MED12L: variants seen among roughly 807,000 people sequenced by gnomAD.
MED12L encodes the protein mediator of RNA polymerase II transcription subunit 12-like protein.
A neutral mutation model predicts 281.3 loss-of-function variants in MED12L; 60 were observed. The observed-to-expected ratio is 0.21, with a 90% CI of 0.17 to 0.26. The LOEUF (loss-of-function observed/expected upper bound fraction) is 0.26. MED12L is among the 10% of genes least tolerant of loss of function. MED12L has a pLI of 1.00. For synonymous variants in MED12L, 974 were observed against 987.2 expected, an observed-to-expected ratio of 0.99 and a Z score of 0.25; for missense variants, 2,146 against 2,680.9, an observed-to-expected ratio of 0.80 and a Z score of 4.41.
chr3:151,368,661 T>TG (rs1491502437), intron 25 of MED12L, among the ~76,000 whole-genome samples: 2 of 66,590 alleles, frequency 3.0e-5, no homozygotes, highest in East Asian at 7.7e-4. Flanking sequence ...TTTCATTTCA[T>TG]TTCATTTCAT....
At chr3:151,244,113 A>C (rs916009505) in intron 16 of MED12L, among the ~76,000 whole-genome samples, 1 of 120,384 alleles carries the variant, frequency 8.3e-6, no homozygotes, top group Admixed American at 8.9e-5. Flanking sequence ...CAAGATTCAT[A>C]AAGCAAGTCC....
At position 151,162,608 on chromosome 3, in the gene MED12L, T is replaced by C. The variant is rs183814140; in HGVS notation, c.1108-1285T>C. 2.6e-5 allele frequency among the ~76,000 whole-genome samples: 4 copies of C among 151,718 alleles called. No homozygotes were observed. In the South Asian group the frequency reaches 6.3e-4, roughly 24 times the overall value. ...TGTGCATCACCACACCCAGCTAATT[T>C]TTAAATTTTTCTTAGAGATGGGGTT... is the stretch of plus-strand genomic sequence containing the variant. On this transcript the variant is annotated intron_variant, in intron 8 of 44. Coordinates refer to ENST00000687756, the MANE Select transcript of MED12L (RefSeq NM_001393769.1).
At chr3:151,237,189 C>T (rs1226519279) in intron 16 of MED12L, among the ~76,000 whole-genome samples, 3 of 151,558 alleles carry the variant, frequency 2.0e-5, no homozygotes, top group Admixed American at 6.6e-5. Context: ...CAGGTGCATG[C>T]CACCACGCCC....
At position 151,368,163 on chromosome 3, in the gene MED12L, G is replaced by A. The variant is rs35291743; in HGVS notation, c.3462G>A (p.Ala1154=). Residue 1154 remains alanine (A), a synonymous_variant, in exon 25 of 45, where the codon GCG becomes GCA. Coordinates refer to ENST00000687756, the MANE Select transcript of MED12L (RefSeq NM_001393769.1). Reference sequence around the variant, plus strand: ...CCCCTTTCCTAGCTTGTGGGGATGCGGACGCCGAGCCTGGGGCGAGAATGA... The same window carrying A: ...CCCCTTTCCTAGCTTGTGGGGATGCAGACGCCGAGCCTGGGGCGAGAATGA... ...PSLLAAACGD[A]DAEPGARMTC... 4.3e-6 allele frequency: 7 copies of A among 1,613,794 alleles called. No homozygotes were observed. Among genetic ancestry groups the A allele is most frequent in the Admixed American group, 1.7e-5 (1 of 59,974 alleles).
In MED12L at chr3:151,433,798, G is replaced by GGTAA. The variant is rs1232502898; in HGVS notation, c.*998_*1001dup. ...GGTGTATTTGCTGTTTATTTTGTAT[G>GGTAA]GTAAGTATTTGCTCTTTTGAATTTA... On this transcript the variant is annotated 3_prime_UTR_variant, in exon 45 of 45. Transcript: ENST00000687756. 2.6e-5 allele frequency: 4 copies of GGTAA among 152,568 alleles called. No individual in the cohort carries two copies. The highest frequency in any genetic ancestry group is 1.9e-4 in the East Asian group (1 of 5,200). The allele number at this position is 152,568 out of a possible 1,614,324, so 9.5% of individuals were successfully genotyped here.
At chr3:151,403,068 G>A (rs148575908) in intron 39 of MED12L, among the ~76,000 whole-genome samples, 220 of 148,598 alleles carry the variant, frequency 1.5e-3, no homozygotes, top group African/African-American at 4.9e-3. Context: ...CCCTTTGAAC[G>A]TCAAAATGAG....
chr3:151,358,729 T>C (rs78261302), intron 20 of MED12L, among the ~76,000 whole-genome samples: 2,469 of 152,310 alleles, frequency 0.016, 30 homozygotes, highest in Non-Finnish European at 0.027. Flanking sequence ...GTATTATGCT[T>C]AAAACTATTA....
intron 39 of MED12L, among the ~76,000 whole-genome samples, chr3:151,395,779 C>T (rs879352276): frequency 6.6e-6 from 1 of 152,234 alleles, no homozygotes; most frequent in Non-Finnish European, 1.5e-5. Flanking sequence ...TCTACAGGTA[C>T]ATCCTGCTCT....
chr3:151,294,241 A>G (rs745403866), intron 16 of MED12L: 1 of 1,613,810 alleles, frequency 6.2e-7, no homozygotes, highest in South Asian at 1.1e-5. Flanking sequence ...TGATGCTTTC[A>G]CTCCTGGTTC....
chr3:151,328,920 C>A (rs1233849357), intron 16 of MED12L: 6 of 1,613,878 alleles, frequency 3.7e-6, no homozygotes, highest in Middle Eastern at 1.7e-4. Flanking sequence ...GCTGGGAATA[C>A]CAGCTGTACT....
chr3:151,294,798 A>G, intron 16 of MED12L: 1 of 1,614,192 alleles, frequency 6.2e-7, no homozygotes, highest in Non-Finnish European at 8.5e-7. Flanking sequence ...TACATCCGAG[A>G]GTCCCCAAAT....
At position 151,411,360 on chromosome 3, in the gene MED12L, T is replaced by C; in HGVS notation, c.5993T>C (p.Leu1998Pro). The C allele has an allele frequency of 6.2e-7, 1 of 1,614,224 alleles. No individual in the cohort carries two copies. Among genetic ancestry groups the C allele is most frequent in the Non-Finnish European group, 8.5e-7 (1 of 1,180,042 alleles). Reference sequence around the variant, plus strand: ...CAGCAGCAGGCTGGCAGTGTGGTCCTGTCTCCCAGCTATAACTCCAGAGCC... The same window carrying C: ...CAGCAGCAGGCTGGCAGTGTGGTCCCGTCTCCCAGCTATAACTCCAGAGCC... ...TSQQQAGSVV[L>P]SPSYNSRAYP... Residue 1998 changes from leucine (L) to proline (P), a missense_variant, in exon 41 of 45, where the codon CTG becomes CCG. Leu to Pro is a moderately conservative substitution (Grantham distance 98). Around this residue, in one of 9 missense-constraint regions of MED12L, gnomAD observed 496 missense variants for 512.0 expected, o/e 0.97. Transcript: ENST00000687756.
chr3:151,355,199 A>G lies in MED12L; in HGVS notation c.2477A>G (p.Gln826Arg), dbSNP rs1362002857. 1.2e-5 allele frequency: 19 copies of G among 1,613,854 alleles called. No homozygotes were observed. Among genetic ancestry groups the G allele is most frequent in the South Asian group, 3.3e-5 (3 of 91,052 alleles). The stretch of plus-strand genomic sequence containing the variant: ...CTGGAGACTGTGTTCACTAAACTCC[A>G]GCTCCTTTCATATTTTGATCAACAT... ...PTLETVFTKL[Q>R]LLSYFDQHQV... Residue 826 changes from glutamine (Q) to arginine (R), a missense_variant, in exon 18 of 45, where the codon CAG (glutamine) becomes CGG (arginine). Transcript: ENST00000687756.
rs1407336472 is a variant in MED12L, at chr3:151,348,353, AAAAAAAAAAAG to A, written c.2251-1699_2251-1689del. 8.6e-5 allele frequency among the ~76,000 whole-genome samples: 6 copies of A among 69,988 alleles called. No individual in the cohort carries two copies. In the East Asian group the frequency reaches 2.4e-3, roughly 29 times the overall value. 45.9% of individuals were successfully genotyped at this position (69,988 alleles called of 152,430 possible). A position where few individuals can be genotyped will look rare whatever the true frequency, so the allele number is the denominator to read the frequency against. On this transcript the variant is annotated intron_variant, in intron 16 of 44. Transcript: ENST00000687756. ...AAACCACCAGACCAAAAAAAAAAAA[AAAAAAAAAAAG>A]AAAAAAGAAATATATCAGTAATTCT... is the stretch of plus-strand genomic sequence containing the variant.
In MED12L at chr3:151,433,158, A is replaced by G. The variant is rs149607310; in HGVS notation, c.*354A>G. On this transcript the variant is annotated 3_prime_UTR_variant, in exon 45 of 45. Transcript: ENST00000687756. ...TGGATCTAAGGTATTTATGTATTTC[A>G]TTCATTAATGATGACGTTGTTTTTT... 9.8e-3 allele frequency: 1,720 copies of G among 175,516 alleles called. 16 individuals carry two copies. The highest frequency in any genetic ancestry group is 0.03 in the Middle Eastern group (12 of 406). The allele number at this position is 175,516 out of a possible 1,614,324, so 10.9% of individuals were successfully genotyped here.
intron 27 of MED12L, among the ~76,000 whole-genome samples, chr3:151,374,416 C>G (rs1756572134): frequency 6.6e-6 from 1 of 152,234 alleles, no homozygotes; most frequent in Non-Finnish European, 1.5e-5. Flanking sequence ...GGTGTGGTGG[C>G]ACATGCCTGT....
rs931850375 is a variant in MED12L at position 151,435,643 on chromosome 3, ATGTT to A, written c.*2842_*2845del. 10 of 151,486 alleles carry A rather than the reference ATGTT, an allele frequency of 6.6e-5. No individual in the cohort carries two copies. Among genetic ancestry groups the A allele is most frequent in the African/African-American group, 2.2e-4 (9 of 41,360 alleles). 9.4% of individuals were successfully genotyped at this position (151,486 alleles called of 1,614,324 possible). On this transcript the variant is annotated 3_prime_UTR_variant, in exon 45 of 45. Transcript: ENST00000687756. Reference sequence around the variant, plus strand: ...TAATTCTTAAGTAAGTACTAGGTGAATGTTTGAATAGATGCTGGAGAAATTACAC... The same window carrying A: ...TAATTCTTAAGTAAGTACTAGGTGAATGAATAGATGCTGGAGAAATTACAC...
At chr3:151,421,957 A>G (rs141544653) in intron 43 of MED12L, among the ~76,000 whole-genome samples, 72 of 152,290 alleles carry the variant, frequency 4.7e-4, no homozygotes, top group African/African-American at 1.6e-3. Flanking sequence ...ATGCTGTATC[A>G]AAGTGGTAAT....
intron 16 of MED12L, among the ~76,000 whole-genome samples, chr3:151,318,616 T>C (rs993829273): frequency 1.3e-5 from 2 of 152,204 alleles, no homozygotes; most frequent in Non-Finnish European, 2.9e-5. Flanking sequence ...CAAAGAACTT[T>C]GCTGCAAGTA....
Sources: allele counts gnomAD v4.1 joint callset (sites outside exome capture counted in the v4.1 genomes callset), GRCh38; gene constraint gnomAD v4.1.1; regional missense constraint gnomAD v4.1.1; transcripts MANE v1.5; gene names NCBI Gene and HGNC (gene_info 2026-07-23, HGNC 2026-07-21).